The following MEMO1 variants were observed in gnomAD, a reference collection of about 807,000 sequenced individuals.
The protein encoded by MEMO1 is protein MEMO1.
A neutral mutation model predicts 45.2 loss-of-function variants in MEMO1; 6 were observed. The observed-to-expected ratio is 0.13, with a 90% CI of 0.07 to 0.26. The LOEUF is 0.26. Among genes scored for constraint, MEMO1 ranks in the 10% least tolerant of loss-of-function variants. The pLI is 1.00. For missense variants in MEMO1, 184 were observed against 370.5 expected, an observed-to-expected ratio of 0.50 and a Z score of 4.13; for synonymous variants, 78 against 124.3, an observed-to-expected ratio of 0.63 and a Z score of 2.48.
At chr2:31,906,305 TTTTGTTTG>T (rs1158333272) in intron 6 of MEMO1, among the ~76,000 whole-genome samples, 2 of 150,598 alleles carry the variant, frequency 1.3e-5, no homozygotes, top group African/African-American at 4.9e-5. Context: ...TTTTTGTTTT[TTTTGTTTG>T]TTTGTTTGTT....
intron 6 of MEMO1, among the ~76,000 whole-genome samples, chr2:31,916,927 T>C (rs956129167): frequency 2.6e-5 from 4 of 152,068 alleles, no homozygotes; most frequent in African/African-American, 9.7e-5. Context: ...TGAGAAGACA[T>C]ACATATTTAG....
chr2:31,920,074 G>A (rs1177475151), intron 5 of MEMO1, among the ~76,000 whole-genome samples: 1 of 151,802 alleles, frequency 6.6e-6, no homozygotes, highest in Non-Finnish European at 1.5e-5. Flanking sequence ...TTCAGGATGA[G>A]CGAGAAATTC....
At chr2:31,975,226 G>A (rs754614168) in intron 2 of MEMO1, among the ~76,000 whole-genome samples, 2 of 152,082 alleles carry the variant, frequency 1.3e-5, no homozygotes, top group Non-Finnish European at 2.9e-5. Context: ...TCTGCAAAAG[G>A]AAAGTAAAAC....
intron 2 of MEMO1, among the ~76,000 whole-genome samples, chr2:31,996,179 G>T (rs1395384082): frequency 6.6e-6 from 1 of 151,478 alleles, no homozygotes; most frequent in African/African-American, 2.4e-5. Flanking sequence ...GAGAGAGGGA[G>T]AGGAGAGGGA....
intron 2 of MEMO1, among the ~76,000 whole-genome samples, chr2:31,955,648 G>A (rs969584243): frequency 6.6e-6 from 1 of 151,098 alleles, no homozygotes; most frequent in Non-Finnish European, 1.5e-5. Context: ...TGCTCTTCTT[G>A]CCCAGGCTGG....
chr2:31,970,859 C>T (rs1669311256), intron 2 of MEMO1, among the ~76,000 whole-genome samples: 1 of 152,132 alleles, frequency 6.6e-6, no homozygotes, highest in African/African-American at 2.4e-5. Context: ...GACCAATTAG[C>T]TGGACATGGT....
At chr2:32,008,123 T>C (rs1674330042) in intron 2 of MEMO1, among the ~76,000 whole-genome samples, 1 of 152,258 alleles carries the variant, frequency 6.6e-6, no homozygotes, top group Non-Finnish European at 1.5e-5. Flanking sequence ...AATCACAGAA[T>C]GTTTTGAGCT....
chr2:31,954,664 C>T (rs552176218), intron 2 of MEMO1, among the ~76,000 whole-genome samples: 33 of 152,054 alleles, frequency 2.2e-4, no homozygotes, highest in African/African-American at 8.0e-4. Flanking sequence ...GAAACTCCGT[C>T]TCTACTAAAA....
At chr2:31,990,381 T>C (rs1671797379) in intron 2 of MEMO1, among the ~76,000 whole-genome samples, 1 of 152,158 alleles carries the variant, frequency 6.6e-6, no homozygotes, top group South Asian at 2.1e-4. Flanking sequence ...GGGTTTATTA[T>C]TGCTATTTTT....
chr2:31,904,273 G>C (rs549526082), intron 6 of MEMO1, among the ~76,000 whole-genome samples: 34 of 152,100 alleles, frequency 2.2e-4, no homozygotes, highest in Non-Finnish European at 1.2e-4. Context: ...TACCCACTTG[G>C]GACACTGAAT....
intron 2 of MEMO1, among the ~76,000 whole-genome samples, chr2:31,956,017 C>A (rs1667375510): frequency 6.6e-6 from 1 of 152,150 alleles, no homozygotes; most frequent in South Asian, 2.1e-4. Flanking sequence ...GTCCAGTACT[C>A]TAGTGAGGGA....
intron 2 of MEMO1, among the ~76,000 whole-genome samples, chr2:31,970,802 G>C (rs1312584810): frequency 6.6e-6 from 1 of 152,114 alleles, no homozygotes; most frequent in Non-Finnish European, 1.5e-5. Flanking sequence ...TCAGGAGTTT[G>C]AGACCAGCCT....
In MEMO1 at chr2:31,879,643, AAC is replaced by A. The variant is rs1392412867; in HGVS notation, c.657+3741_657+3742del. ...AAATTAATTTTAAGATATTTTATTA[AAC>A]ACAATCTGGCAGTATCATTTTATAA... On this transcript the variant is annotated intron_variant, in intron 8 of 9. Transcript: ENST00000404530. Among the ~76,000 whole-genome samples the A allele has an allele frequency of 8.5e-5, 13 of 152,332 alleles. No individual in the cohort carries two copies. In the South Asian group the frequency reaches 2.5e-3, roughly 29 times the overall value.
intron 4 of MEMO1, among the ~76,000 whole-genome samples, chr2:31,929,814 C>T (rs902654243): frequency 3.3e-5 from 5 of 152,180 alleles, no homozygotes; most frequent in African/African-American, 1.2e-4. Flanking sequence ...GATGTTCTTC[C>T]TCTACTTTCT....
At chr2:32,000,885 T>C (rs891914733) in intron 2 of MEMO1, among the ~76,000 whole-genome samples, 8 of 152,028 alleles carry the variant, frequency 5.3e-5, no homozygotes, top group Admixed American at 3.3e-4. Context: ...GCAATTAAAA[T>C]GTAAACTCCA....
At chr2:31,963,028 C>A in intron 2 of MEMO1, 1 of 1,205,148 alleles carries the variant, frequency 8.3e-7, no homozygotes, top group Non-Finnish European at 1.1e-6. Flanking sequence ...CTTCAAGCAA[C>A]AACATCAGAT....
chr2:31,952,503 C>G (rs1387149878), intron 2 of MEMO1, among the ~76,000 whole-genome samples: 1 of 152,146 alleles, frequency 6.6e-6, no homozygotes, highest in Non-Finnish European at 1.5e-5. Flanking sequence ...TATACTTATT[C>G]CAGTTCATTT....
chr2:31,921,758 G>A (rs1682338343), intron 4 of MEMO1, among the ~76,000 whole-genome samples: 1 of 152,052 alleles, frequency 6.6e-6, no homozygotes, highest in African/African-American at 2.4e-5. Context: ...ATGGTAGGGT[G>A]AAAAAGGCAT....
At chr2:31,980,294 G>A (rs909949838) in intron 2 of MEMO1, among the ~76,000 whole-genome samples, 7 of 152,074 alleles carry the variant, frequency 4.6e-5, no homozygotes, top group African/African-American at 2.4e-5. Flanking sequence ...TTAGCTGGGC[G>A]TGGTGACAAA....
Sources: allele counts gnomAD v4.1 joint callset (sites outside exome capture counted in the v4.1 genomes callset), GRCh38; gene constraint gnomAD v4.1.1; transcripts MANE v1.5; gene names NCBI Gene and HGNC (gene_info 2026-07-23, HGNC 2026-07-21).